ITGBL1: variants seen among roughly 807,000 people sequenced by gnomAD.
The protein encoded by ITGBL1 is integrin beta-like protein 1.
A neutral mutation model predicts 68.5 loss-of-function variants in ITGBL1; 51 were observed. The ratio of observed to expected loss-of-function variants is 0.74; its 90% confidence interval spans 0.59 to 0.94. ITGBL1 has a LOEUF of 0.94. Ranked by LOEUF, ITGBL1 falls within the 40% of genes least tolerant of loss-of-function variation. The pLI is 0.00. For synonymous variants in ITGBL1, 209 were observed against 227.3 expected, an observed-to-expected ratio of 0.92 and a Z score of 0.72; for missense variants, 649 against 647.4, an observed-to-expected ratio of 1.00 and a Z score of -0.03.
At chr13:101,491,153 A>G (rs1240819889) in intron 2 of ITGBL1, among the ~76,000 whole-genome samples, 1 of 152,042 alleles carries the variant, frequency 6.6e-6, no homozygotes, top group Non-Finnish European at 1.5e-5. Context: ...CCTTAATGAA[A>G]CTCTGTCTGC....
chr13:101,630,574 C>G (rs897001388), intron 7 of ITGBL1, among the ~76,000 whole-genome samples: 2 of 152,164 alleles, frequency 1.3e-5, no homozygotes, highest in African/African-American at 4.8e-5. Flanking sequence ...TACTGTTGCA[C>G]TTGATTTTTC....
intron 2 of ITGBL1, among the ~76,000 whole-genome samples, chr13:101,477,555 A>G (rs1449379744): frequency 1.3e-5 from 2 of 152,056 alleles, no homozygotes; most frequent in African/African-American, 4.8e-5. Flanking sequence ...TGGTGTTTTG[A>G]AAAGATAAAC....
rs576019522 is a variant in ITGBL1, at chr13:101,579,577, A to G, written c.727+150A>G. ...GTAAATCAACATTTACTATCCCAAC[A>G]ATCTTTTCTGTCTTGTTTTTTATTG... On this transcript the variant is annotated intron_variant, in intron 5 of 10. Transcript: ENST00000376180. The G allele has an allele frequency of 3.6e-6, 3 of 833,004 alleles. No individual in the cohort carries two copies. In the Admixed American group the frequency reaches 9.1e-5, roughly 25 times the overall value. 51.6% of individuals were successfully genotyped at this position (833,004 alleles called of 1,614,324 possible).
chr13:101,682,402 T>C (rs922926263), intron 7 of ITGBL1, among the ~76,000 whole-genome samples: 1 of 152,136 alleles, frequency 6.6e-6, no homozygotes, highest in African/African-American at 2.4e-5. Flanking sequence ...CAGTATCTTA[T>C]GGATAACATT....
chr13:101,615,530 G>C (rs550673304), intron 7 of ITGBL1, among the ~76,000 whole-genome samples: 1 of 152,204 alleles, frequency 6.6e-6, no homozygotes, highest in South Asian at 2.1e-4. Flanking sequence ...AAAATTACAT[G>C]TTGAAACCTA....
intron 8 of ITGBL1, among the ~76,000 whole-genome samples, chr13:101,693,663 TATCA>T (rs1257210887): frequency 6.7e-6 from 1 of 149,220 alleles, no homozygotes; most frequent in African/African-American, 2.5e-5. Flanking sequence ...TCTATCTATC[TATCA>T]TCTATTATCT....
At chr13:101,511,122 A>G (rs1303195084) in intron 2 of ITGBL1, among the ~76,000 whole-genome samples, 1 of 152,064 alleles carries the variant, frequency 6.6e-6, no homozygotes, top group Non-Finnish European at 1.5e-5. Flanking sequence ...TAGGAACTTT[A>G]TAGTTTGAGG....
intron 7 of ITGBL1, among the ~76,000 whole-genome samples, chr13:101,673,028 G>A (rs1184767127): frequency 2.0e-5 from 3 of 152,152 alleles, no homozygotes; most frequent in South Asian, 2.1e-4. Context: ...TGAGCCACAC[G>A]GCAAGTTCAC....
At chr13:101,553,055 T>A (rs1395741988) in intron 2 of ITGBL1, among the ~76,000 whole-genome samples, 1 of 152,162 alleles carries the variant, frequency 6.6e-6, no homozygotes, top group Non-Finnish European at 1.5e-5. Context: ...AAGAAAGTGG[T>A]CTTGTTTTTT....
chr13:101,606,448 A>T lies in ITGBL1; in HGVS notation c.1015+8149A>T, dbSNP rs1444526172. ...ATTCGTCCTAATTTCGGTTCCTGGG[A>T]GTAAAGGTGGGAAAACACTTTCTCT... On this transcript the variant is annotated intron_variant, in intron 7 of 10. Coordinates refer to ENST00000376180, the MANE Select transcript of ITGBL1 (RefSeq NM_004791.3). 2.0e-5 allele frequency among the ~76,000 whole-genome samples: 3 copies of T among 151,716 alleles called. No homozygotes were observed. The Admixed American group carries it at 2.0e-4, about 10-fold the overall frequency.
chr13:101,480,617 T>A (rs1241950859), intron 2 of ITGBL1, among the ~76,000 whole-genome samples: 1 of 152,014 alleles, frequency 6.6e-6, no homozygotes, highest in African/African-American at 2.4e-5. Flanking sequence ...TATGCCTGTA[T>A]CCAAGTATCT....
intron 2 of ITGBL1, among the ~76,000 whole-genome samples, chr13:101,471,568 G>GTGTA (rs1206745931): frequency 5.9e-4 from 85 of 144,624 alleles, no homozygotes; most frequent in Non-Finnish European, 1.0e-3. Context: ...GTGTGTGTGT[G>GTGTA]TATATATATT....
intron 2 of ITGBL1, among the ~76,000 whole-genome samples, chr13:101,465,830 T>G (rs750912730): frequency 9.9e-5 from 15 of 152,190 alleles, no homozygotes; most frequent in Non-Finnish European, 2.2e-4. Context: ...AGTGAATAAA[T>G]GAGATTCAGC....
intron 7 of ITGBL1, among the ~76,000 whole-genome samples, chr13:101,649,589 T>C (rs1285920671): frequency 6.6e-6 from 1 of 152,148 alleles, no homozygotes; most frequent in East Asian, 1.9e-4. Flanking sequence ...ATATTTTTTT[T>C]CCAGTCCAAT....
At position 101,598,292 on chromosome 13, in the gene ITGBL1, T is replaced by C. The variant is rs1281442257; in HGVS notation, c.1008T>C (p.Ser336=). ...KCQGSSDLPC[S]GRGKCECGKC... ...AGGGAAGCTCGGATCTGCCTTGCTC[T>C]GGGAGGGGTAAGTGAGGTCTCTCAG... Residue 336 remains serine (S), a synonymous_variant, in exon 7 of 11, where the codon TCT becomes TCC. Transcript: ENST00000376180. The C allele has an allele frequency of 6.2e-7, 1 of 1,609,658 alleles. No individual in the cohort carries two copies. Among genetic ancestry groups the C allele is most frequent in the Admixed American group, 1.7e-5 (1 of 59,070 alleles).
intron 2 of ITGBL1, among the ~76,000 whole-genome samples, chr13:101,558,046 G>T (rs568976392): frequency 8.0e-6 from 1 of 125,736 alleles, no homozygotes; most frequent in African/African-American, 3.1e-5. Context: ...CCGAGATCGC[G>T]CCACTCCAGC....
intron 7 of ITGBL1, among the ~76,000 whole-genome samples, chr13:101,682,770 CTT>C (rs918862186): frequency 2.9e-4 from 44 of 151,708 alleles, no homozygotes; most frequent in African/African-American, 1.0e-3. Context: ...ATATTTTAGT[CTT>C]AGGTTATTCA....
intron 7 of ITGBL1, among the ~76,000 whole-genome samples, chr13:101,673,732 A>C (rs537294399): frequency 6.6e-4 from 100 of 152,330 alleles, no homozygotes; most frequent in African/African-American, 2.3e-3. Context: ...GCAGAAGTAC[A>C]ACTCCTGAGA....
chr13:101,611,237 T>G (rs186149860), intron 7 of ITGBL1, among the ~76,000 whole-genome samples: 12 of 152,308 alleles, frequency 7.9e-5, no homozygotes, highest in Non-Finnish European at 1.2e-4. Flanking sequence ...AAATGCCAAG[T>G]TAACGTTGCT....
Sources: gnomAD v4.1 joint callset for allele counts (sites outside exome capture counted in the v4.1 genomes callset) on GRCh38, gnomAD v4.1.1 for gene constraint, MANE v1.5 for transcripts, NCBI Gene and HGNC (gene_info 2026-07-23, HGNC 2026-07-21) for gene names.